Variants in FHIT observed in about 807,000 individuals in gnomAD.
FHIT encodes the protein bis(5'-adenosyl)-triphosphatase.
Under a neutral mutation model 17.9 loss-of-function variants are expected in FHIT, and 19 were observed. The ratio of observed to expected loss-of-function variants is 1.06; its 90% CI spans 0.74 to 1.56. The LOEUF (loss-of-function observed/expected upper bound fraction) is 1.56, where lower values mean the gene tolerates loss of function less well. Among genes scored for constraint, FHIT ranks in the 40% most tolerant of loss-of-function variants. The pLI is 0.00. For synonymous variants in FHIT, 81 were observed against 69.7 expected (o/e 1.16, Z -0.81); for missense variants, 248 against 189.2 (o/e 1.31, Z -1.82).
intron 2 of FHIT, among the ~76,000 whole-genome samples, chr3:61,180,613 T>C (rs1020318587): frequency 6.6e-6 from 1 of 152,244 alleles, no homozygotes; most frequent in Non-Finnish European, 1.5e-5. Context: ...CTTCCAAGAC[T>C]AAATACCGAG....
intron 4 of FHIT, among the ~76,000 whole-genome samples, chr3:60,696,933 T>C (rs1161993557): frequency 6.6e-6 from 1 of 152,170 alleles, no homozygotes; most frequent in East Asian, 1.9e-4. Context: ...GGGAAGAGTA[T>C]TTTTTTAAAA....
In FHIT at chr3:60,330,162, C is replaced by A. The variant is rs375217191; in HGVS notation, c.103+206698G>T. Among the ~76,000 whole-genome samples, 106 of 152,284 alleles carry A rather than the reference C, an allele frequency of 7.0e-4. 4 individuals are homozygous for A. In the South Asian group the frequency reaches 0.02, roughly 29 times the overall value. On this transcript the variant is annotated intron_variant, in intron 5 of 9. Transcript: ENST00000492590. ...AATTCACTCTGTGTTTTACAAACAA[C>A]TGGGCTCCCGGGATTCTAAGCACAT...
At chr3:60,602,124 GT>G (rs1420183670) in intron 4 of FHIT, among the ~76,000 whole-genome samples, 2 of 152,124 alleles carry the variant, frequency 1.3e-5, no homozygotes, top group African/African-American at 4.8e-5. Flanking sequence ...AAAATTCTCA[GT>G]TTTCACACAA....
chr3:60,762,687 T>C (rs1051241716), intron 4 of FHIT, among the ~76,000 whole-genome samples: 15 of 152,146 alleles, frequency 9.9e-5, no homozygotes, highest in African/African-American at 3.6e-4. Flanking sequence ...TTAGATGAGA[T>C]TCATCATTAA....
chr3:61,037,179 C>T (rs922904720), intron 3 of FHIT, among the ~76,000 whole-genome samples: 1 of 152,004 alleles, frequency 6.6e-6, no homozygotes, highest in Non-Finnish European at 1.5e-5. Flanking sequence ...CCAAAGTGCT[C>T]GGATTACAGG....
chr3:60,404,919 G>A (rs1182376532), intron 5 of FHIT, among the ~76,000 whole-genome samples: 4 of 152,132 alleles, frequency 2.6e-5, no homozygotes, highest in Admixed American at 6.5e-5. Context: ...GTTTCTGAAC[G>A]ATCATTAAAA....
chr3:60,906,698 C>T (rs1366433876), intron 3 of FHIT, among the ~76,000 whole-genome samples: 1 of 152,146 alleles, frequency 6.6e-6, no homozygotes, highest in African/African-American at 2.4e-5. Flanking sequence ...ATTTGAGCCT[C>T]ACAAAAGAAT....
At chr3:60,471,321 G>C (rs1018008418) in intron 5 of FHIT, among the ~76,000 whole-genome samples, 5 of 152,162 alleles carry the variant, frequency 3.3e-5, no homozygotes, top group African/African-American at 1.2e-4. Context: ...TGCCTTTCAA[G>C]TTTATTTAGA....
intron 7 of FHIT, among the ~76,000 whole-genome samples, chr3:59,926,497 A>G (rs930210239): frequency 6.6e-6 from 1 of 152,184 alleles, no homozygotes; most frequent in Non-Finnish European, 1.5e-5. Context: ...ACATAACGGT[A>G]TAAGGTAAAT....
rs769497004 is a variant in FHIT at position 60,012,266 on chromosome 3, GTT to G, written c.250-868_250-867del. On this transcript the variant is annotated intron_variant, in intron 6 of 9. Coordinates refer to ENST00000492590, the MANE Select transcript of FHIT (RefSeq NM_002012.4). ...ATGTAAATCAGGTGTTTTTTTTGTT[GTT>G]TTTTTTTTTTTTTTTTTTGAGAAAG... 4.1e-3 allele frequency among the ~76,000 whole-genome samples: 465 copies of G among 112,474 alleles called. 2 individuals are homozygous for G. Among genetic ancestry groups the G allele is most frequent in the Non-Finnish European group, 5.1e-3 (281 of 55,040 alleles). The allele number at this position is 112,474 out of a possible 152,430, so 73.8% of individuals were successfully genotyped here.
intron 7 of FHIT, among the ~76,000 whole-genome samples, chr3:59,926,603 G>T (rs1575708086): frequency 6.6e-6 from 1 of 152,188 alleles, no homozygotes; most frequent in African/African-American, 2.4e-5. Flanking sequence ...TCAAGAGAGG[G>T]TAAGTTCCAA....
At chr3:60,996,152 C>T (rs2030658619) in intron 3 of FHIT, among the ~76,000 whole-genome samples, 1 of 152,174 alleles carries the variant, frequency 6.6e-6, no homozygotes, top group Admixed American at 6.5e-5. Context: ...TCTTGAGTTG[C>T]TGTTTATTGC....
chr3:60,493,406 AG>A (rs1298255422), intron 5 of FHIT, among the ~76,000 whole-genome samples: 2 of 152,168 alleles, frequency 1.3e-5, no homozygotes, highest in Non-Finnish European at 2.9e-5. Context: ...TCATCTTATC[AG>A]GCAAGCCAAT....
chr3:60,109,050 T>C (rs1438246179), intron 5 of FHIT, among the ~76,000 whole-genome samples: 1 of 152,156 alleles, frequency 6.6e-6, no homozygotes, highest in Non-Finnish European at 1.5e-5. Context: ...GGTTTCTGCA[T>C]TGCTAACTGG....
chr3:60,114,488 CCTTTTTTTT>C (rs1312180225), intron 5 of FHIT, among the ~76,000 whole-genome samples: 1 of 59,478 alleles, frequency 1.7e-5, no homozygotes, highest in Non-Finnish European at 2.9e-5. Context: ...CAAGAGAAAT[CCTTTTTTTT>C]TTTTTTTTTT....
chr3:59,900,652 T>C (rs1704284732), intron 8 of FHIT, among the ~76,000 whole-genome samples: 1 of 152,136 alleles, frequency 6.6e-6, no homozygotes, highest in African/African-American at 2.4e-5. Context: ...TTCACTCTGT[T>C]GCCCAGGCTG....
At chr3:60,926,263 G>GCACCA (rs1327811368) in intron 3 of FHIT, among the ~76,000 whole-genome samples, 34 of 152,282 alleles carry the variant, frequency 2.2e-4, no homozygotes, top group Admixed American at 7.8e-4. Flanking sequence ...ATTCTTTTCA[G>GCACCA]CACCACACCA....
intron 4 of FHIT, among the ~76,000 whole-genome samples, chr3:60,713,371 G>C (rs2041592854): frequency 1.3e-5 from 2 of 151,160 alleles, no homozygotes; most frequent in African/African-American, 2.4e-5. Context: ...AAAAGAACTA[G>C]AAAAGCAAGA....
At chr3:60,206,318 A>G (rs1317828375) in intron 5 of FHIT, among the ~76,000 whole-genome samples, 1 of 152,078 alleles carries the variant, frequency 6.6e-6, no homozygotes, top group African/African-American at 2.4e-5. Context: ...TAAGAAAACC[A>G]TAGTCCAACA....
Sources: allele counts gnomAD v4.1 joint callset (sites outside exome capture counted in the v4.1 genomes callset), GRCh38; gene constraint gnomAD v4.1.1; transcripts MANE v1.5; gene names NCBI Gene and HGNC (gene_info 2026-07-23, HGNC 2026-07-21).